The following CTIF variants were observed in gnomAD, a reference collection of about 807,000 sequenced individuals.
The protein encoded by CTIF is CBP80/20-dependent translation initiation factor.
A neutral mutation model predicts 66.0 loss-of-function variants in CTIF; 21 were observed. The ratio of observed to expected loss-of-function variants is 0.32; its 90% CI spans 0.23 to 0.46. The LOEUF is 0.46. Among genes scored for constraint, CTIF ranks in the 20% least tolerant of loss-of-function variants. The probability of loss-of-function intolerance (pLI) is 1.00; values close to 1 mark genes in which losing one functional copy is unlikely to be tolerated. For synonymous variants in CTIF, 345 were observed against 326.4 expected (o/e 1.06, Z -0.62); for missense variants, 739 against 812.7 (o/e 0.91, Z 1.10).
intron 9 of CTIF, among the ~76,000 whole-genome samples, chr18:48,803,098 G>T (rs533284175): frequency 6.6e-6 from 1 of 152,324 alleles, no homozygotes; most frequent in South Asian, 2.1e-4. Context: ...CCGCCTCCCT[G>T]TCCCCTCCTA....
intron 1 of CTIF, among the ~76,000 whole-genome samples, chr18:48,547,864 C>A (rs190892478): frequency 2.0e-5 from 3 of 152,116 alleles, no homozygotes; most frequent in African/African-American, 2.4e-5. Flanking sequence ...AGCTTTGGCT[C>A]GGTGCTTTTC....
chr18:48,586,929 A>G (rs2089781547), intron 1 of CTIF, among the ~76,000 whole-genome samples: 1 of 152,012 alleles, frequency 6.6e-6, no homozygotes, highest in Admixed American at 6.6e-5. Flanking sequence ...CACCATCCTA[A>G]GTTTAGGGCT....
chr18:48,542,447 CAATT>C (rs1599113283), intron 1 of CTIF, among the ~76,000 whole-genome samples: 2 of 152,184 alleles, frequency 1.3e-5, no homozygotes, highest in Non-Finnish European at 2.9e-5. Flanking sequence ...GCCAACTAAT[CAATT>C]AATTAACCAT....
intron 7 of CTIF, among the ~76,000 whole-genome samples, chr18:48,738,112 G>A (rs534403915): frequency 5.2e-4 from 79 of 152,154 alleles, no homozygotes; most frequent in Non-Finnish European, 8.5e-4. Context: ...TCTTGCAGTC[G>A]CTGAGGCCAG....
intron 8 of CTIF, 46 bp downstream of exon 8, chr18:48,758,451 A>G (rs1908637141): frequency 3.9e-6 from 6 of 1,547,278 alleles, no homozygotes; most frequent in South Asian, 1.2e-5. Flanking sequence ...CAGGGAGGAC[A>G]GCAAGAGGTA....
At chr18:48,670,317 T>A (rs909573231) in intron 5 of CTIF, among the ~76,000 whole-genome samples, 3 of 152,176 alleles carry the variant, frequency 2.0e-5, no homozygotes, top group Admixed American at 1.3e-4. Flanking sequence ...AGAAAGTTGC[T>A]TGGTGTCTCT....
At chr18:48,819,951 C>T (rs958049335) in intron 10 of CTIF, among the ~76,000 whole-genome samples, 4 of 152,170 alleles carry the variant, frequency 2.6e-5, no homozygotes, top group African/African-American at 9.7e-5. Context: ...CAGCTAAGTG[C>T]ACTAGGGACA....
intron 1 of CTIF, among the ~76,000 whole-genome samples, chr18:48,611,270 G>C (rs1266973017): frequency 6.6e-6 from 1 of 152,248 alleles, no homozygotes; most frequent in African/African-American, 2.4e-5. Context: ...GGGTGTTGCA[G>C]GACTGTAAGC....
intron 10 of CTIF, among the ~76,000 whole-genome samples, chr18:48,847,732 T>C (rs2069111567): frequency 1.3e-5 from 2 of 152,258 alleles, no homozygotes; most frequent in African/African-American, 4.8e-5. Context: ...CCTAGGCAGA[T>C]ACTATCCCTG....
At chr18:48,744,650 T>C (rs1009522057) in intron 7 of CTIF, among the ~76,000 whole-genome samples, 3 of 152,226 alleles carry the variant, frequency 2.0e-5, no homozygotes, top group African/African-American at 7.2e-5. Context: ...AAAGACTTTT[T>C]TTCATAACCA....
chr18:48,610,977 C>G (rs773334411), intron 1 of CTIF, among the ~76,000 whole-genome samples: 2 of 152,188 alleles, frequency 1.3e-5, no homozygotes, highest in African/African-American at 2.4e-5. Context: ...TTGGGGTCCA[C>G]AGAGCTTAGG....
At chr18:48,843,238 G>A (rs2068989336) in intron 10 of CTIF, among the ~76,000 whole-genome samples, 1 of 152,080 alleles carries the variant, frequency 6.6e-6, no homozygotes, top group Admixed American at 6.5e-5. Flanking sequence ...CCTAGGCCAG[G>A]CACTGCTGAC....
chr18:48,823,876 C>A (rs2068531100), intron 10 of CTIF, among the ~76,000 whole-genome samples: 1 of 151,652 alleles, frequency 6.6e-6, no homozygotes, highest in African/African-American at 2.4e-5. Context: ...AACAATTAGA[C>A]AAGAAAAGGA....
At chr18:48,559,991 G>A (rs1435477434) in intron 1 of CTIF, among the ~76,000 whole-genome samples, 1 of 152,018 alleles carries the variant, frequency 6.6e-6, no homozygotes, top group African/African-American at 2.4e-5. Flanking sequence ...ATGACCAAGT[G>A]GAGTTTATCC....
intron 6 of CTIF, chr18:48,673,785 A>T (rs1311480508): frequency 6.6e-6 from 1 of 152,234 alleles, no homozygotes; most frequent in East Asian, 1.9e-4. Flanking sequence ...AAACTTTCTT[A>T]AAACATTATG....
intron 1 of CTIF, among the ~76,000 whole-genome samples, chr18:48,549,434 GT>G (rs1258296454): frequency 6.6e-6 from 1 of 152,170 alleles, no homozygotes. Context: ...AAAACAAGGT[GT>G]TTCAACTCAG....
chr18:48,759,871 T>G (rs1278193006), intron 8 of CTIF, among the ~76,000 whole-genome samples: 1 of 152,136 alleles, frequency 6.6e-6, no homozygotes, highest in East Asian at 1.9e-4. Flanking sequence ...AGGTGAGGCC[T>G]CCTGAACTCC....
chr18:48,778,844 C>T (rs1910943177), intron 9 of CTIF, among the ~76,000 whole-genome samples: 1 of 152,202 alleles, frequency 6.6e-6, no homozygotes, highest in South Asian at 2.1e-4. Flanking sequence ...CATCGGGACA[C>T]ATCAGTCCAG....
chr18:48,577,335 A>G (rs1254834818), intron 1 of CTIF, among the ~76,000 whole-genome samples: 3 of 152,190 alleles, frequency 2.0e-5, no homozygotes, highest in Non-Finnish European at 4.4e-5. Flanking sequence ...GACGGTGTGT[A>G]GGATCCTGCT....
Sources: gnomAD v4.1 joint callset for allele counts (sites outside exome capture counted in the v4.1 genomes callset) on GRCh38, gnomAD v4.1.1 for gene constraint, MANE v1.5 for transcripts, NCBI Gene and HGNC (gene_info 2026-07-23, HGNC 2026-07-21) for gene names.